Variants in SLC6A2 observed in about 807,000 individuals in gnomAD.
The protein encoded by SLC6A2 is sodium-dependent noradrenaline transporter.
SLC6A2 carries 26 observed loss-of-function variants against 71.7 expected under a neutral mutation model. The observed-to-expected ratio is 0.36, with a 90% confidence interval of 0.27 to 0.50. The LOEUF is 0.50. Among genes scored for constraint, SLC6A2 ranks in the 20% least tolerant of loss-of-function variants. SLC6A2 has a pLI of 0.96. For synonymous variants in SLC6A2, 363 were observed against 337.9 expected (o/e 1.07, Z -0.82); for missense variants, 581 against 803.9 (o/e 0.72, Z 3.35).
chr16:55,691,493 C>T (rs1965627973), intron 5 of SLC6A2, among the ~76,000 whole-genome samples: 1 of 152,156 alleles, frequency 6.6e-6, no homozygotes, highest in Admixed American at 6.5e-5. Flanking sequence ...TGACAGGTAC[C>T]TCACCACCTC....
chr16:55,670,334 C>T (rs371641044), intron 3 of SLC6A2, among the ~76,000 whole-genome samples: 1 of 152,162 alleles, frequency 6.6e-6, no homozygotes, highest in Non-Finnish European at 1.5e-5. Flanking sequence ...TGGCACGTGC[C>T]TCCTGAGTAC....
In SLC6A2 at chr16:55,705,380, G is replaced by A; in HGVS notation, c.*3034G>A. 1 of 694,156 alleles carries A rather than the reference G, an allele frequency of 1.4e-6. No individual in the cohort carries two copies. Among genetic ancestry groups the A allele is most frequent in the Non-Finnish European group, 2.4e-6 (1 of 420,070 alleles). The allele number at this position is 694,156 out of a possible 1,614,324, so 43.0% of individuals were successfully genotyped here. ...CTAGCCTCGCTAATGTGAGACTGAA[G>A]CATTCTTACCAAAGAAATCATTTCC... is the stretch of plus-strand genomic sequence containing the variant. On this transcript the variant is annotated 3_prime_UTR_variant, in exon 15 of 15. Coordinates refer to ENST00000568943, the MANE Select transcript of SLC6A2 (RefSeq NM_001172501.3).
rs2142471589 is a variant in SLC6A2, at chr16:55,656,297, T to C, written c.-52+128T>C. ...GTGTCCGAGAAGGCTCCTGTGGCTG[T>C]TGAAGTGTCGCGGACCTGAGCTGGG... On this transcript the variant is annotated intron_variant, in intron 1 of 14. Transcript: ENST00000568943. This position sits in a 1 kb window ranked among gnomAD's most constrained non-coding sequence, Gnocchi z 4.5. The C allele has an allele frequency of 3.0e-6, 1 of 338,118 alleles. No homozygotes were observed. The highest frequency in any genetic ancestry group is 8.1e-5 in the East Asian group (1 of 12,398). 20.9% of individuals were successfully genotyped at this position (338,118 alleles called of 1,614,324 possible).
At chr16:55,678,384 G>A (rs1965162386) in intron 4 of SLC6A2, among the ~76,000 whole-genome samples, 1 of 151,832 alleles carries the variant, frequency 6.6e-6, no homozygotes, top group African/African-American at 2.4e-5. Context: ...AACTCAGTTT[G>A]GGGACCCAGT....
chr16:55,703,010 C>T lies in SLC6A2; in HGVS notation c.*664C>T, dbSNP rs541993124. On this transcript the variant is annotated 3_prime_UTR_variant, in exon 15 of 15. Coordinates refer to ENST00000568943, the MANE Select transcript of SLC6A2 (RefSeq NM_001172501.3). ...TTTGATGTGTGTGTTCTGGAACATT[C>T]CTCCAGCTTTTGGTGGTCAGATGGC... 2.9e-4 allele frequency: 287 copies of T among 986,516 alleles called. 4 individuals carry two copies. In the South Asian group the frequency reaches 9.4e-3, roughly 32 times the overall value. The allele number at this position is 986,516 out of a possible 1,614,324, so 61.1% of individuals were successfully genotyped here.
Position 55,705,553 on chromosome 16 carries a change from G to A in SLC6A2, c.*3207G>A. 1 of 345,222 alleles carries A rather than the reference G, an allele frequency of 2.9e-6. No individual in the cohort carries two copies. The highest frequency in any genetic ancestry group is 5.2e-6 in the Non-Finnish European group (1 of 192,058). 21.4% of individuals were successfully genotyped at this position (345,222 alleles called of 1,614,324 possible). ...GGGTCTGCAGCTGACTAGCTGGGTG[G>A]CCTGGGGATAGTGGCTTCATCTTTT... On this transcript the variant is annotated 3_prime_UTR_variant, in exon 15 of 15. Coordinates refer to ENST00000568943, the MANE Select transcript of SLC6A2 (RefSeq NM_001172501.3).
At chr16:55,681,608 T>G (rs1285882918) in intron 4 of SLC6A2, among the ~76,000 whole-genome samples, 1 of 152,272 alleles carries the variant, frequency 6.6e-6, no homozygotes, top group African/African-American at 2.4e-5. Context: ...GCATCGCTGG[T>G]GGTCTTCAGC....
In SLC6A2 at chr16:55,699,556, G is replaced by A. The variant is rs766622152; in HGVS notation, c.1492G>A (p.Val498Met). Reference protein sequence around the residue: ...EAIGVSWFYGVDRFSNDIQQM... With the variant: ...EAIGVSWFYGMDRFSNDIQQM... ...AGGCCTGCCCTGTGTGTGCACAGGA[G>A]TGGACAGGTTCAGCAACGACATCCA... Residue 498 changes from valine to methionine, a missense_variant and splice_region_variant, in exon 12 of 15, where the codon GTG (valine) becomes ATG (methionine). Physicochemically the swap from Val to Met is conservative, Grantham distance 21 (BLOSUM62 1). Coordinates refer to ENST00000568943, the MANE Select transcript of SLC6A2 (RefSeq NM_001172501.3). 27 of 1,613,514 alleles carry A rather than the reference G, an allele frequency of 1.7e-5. No individual in the cohort carries two copies. Among genetic ancestry groups the A allele is most frequent in the Non-Finnish European group, 2.3e-5 (27 of 1,179,520 alleles).
chr16:55,684,526 A>C (rs1965384672), intron 4 of SLC6A2, among the ~76,000 whole-genome samples: 2 of 152,194 alleles, frequency 1.3e-5, no homozygotes, highest in Non-Finnish European at 2.9e-5. Context: ...TTTAGTAGCT[A>C]TTCCCCAATA....
intron 4 of SLC6A2, among the ~76,000 whole-genome samples, chr16:55,679,882 G>A (rs776098555): frequency 2.0e-5 from 3 of 152,174 alleles, no homozygotes; most frequent in South Asian, 2.1e-4. Flanking sequence ...TCCGGACCTC[G>A]ATGCTTTCGA....
chr16:55,705,065 C>G lies in SLC6A2; in HGVS notation c.*2719C>G. The stretch of plus-strand genomic sequence containing the variant: ...TCACCCGGGACAAGGGTGCTGTGTA[C>G]TGTATATGACACTTGACGCTTTTGA... On this transcript the variant is annotated 3_prime_UTR_variant, in exon 15 of 15. Transcript: ENST00000568943. 1 of 660,366 alleles carries G rather than the reference C, an allele frequency of 1.5e-6. No individual in the cohort carries two copies. The highest frequency in any genetic ancestry group is 2.7e-6 in the Non-Finnish European group (1 of 376,946). The allele number at this position is 660,366 out of a possible 1,614,324, so 40.9% of individuals were successfully genotyped here.
intron 4 of SLC6A2, among the ~76,000 whole-genome samples, chr16:55,679,930 G>T (rs1308148427): frequency 1.3e-5 from 2 of 152,134 alleles, no homozygotes; most frequent in African/African-American, 2.4e-5. Context: ...GGGGACAGGG[G>T]TGCACACTGT....
chr16:55,682,060 C>T (rs185465387), intron 4 of SLC6A2, among the ~76,000 whole-genome samples: 1 of 152,182 alleles, frequency 6.6e-6, no homozygotes, highest in African/African-American at 2.4e-5. Flanking sequence ...GCATGCACTA[C>T]CACACCCAGC....
rs1187255332 is a variant in SLC6A2 at position 55,656,766 on chromosome 16, C to T, written c.72C>T (p.Pro24=). Residue 24 remains proline (P), a synonymous_variant, in exon 2 of 15, where the codon CCC becomes CCT. Coordinates refer to ENST00000568943, the MANE Select transcript of SLC6A2 (RefSeq NM_001172501.3). The surrounding 1 kb of genome is among the most constrained non-coding windows in gnomAD (Gnocchi z 4.5). ...NNGADTGPEQ[P]LRARKTAELL... ...GGGCGGACACGGGTCCAGAGCAGCC[C>T]CTTCGGGCGCGCAAAACTGCGGAGC... The T allele has an allele frequency of 6.2e-7, 1 of 1,613,288 alleles. No homozygotes were observed. The highest frequency in any genetic ancestry group is 8.5e-7 in the Non-Finnish European group (1 of 1,179,834).
In SLC6A2 at chr16:55,694,028, A is replaced by C. The variant is rs1259845387; in HGVS notation, c.937A>C (p.Thr313Pro). ...GTTTCAGGTATGGATTGATGCCGCA[A>C]CTCAGATATTTTTTTCCTTGGGGGC... Reference protein sequence around the residue: ...KEATVWIDAATQIFFSLGAGF... With the variant: ...KEATVWIDAAPQIFFSLGAGF... The change falls in exon 7 of 15, where the codon ACT becomes CCT. Residue 313 changes from threonine (T) to proline (P), a missense_variant. By Grantham distance (38) the Thr-to-Pro change is conservative. This residue lies in a region of SLC6A2 where 334 missense variants were observed against 449.0 expected (regional missense o/e 0.74). Coordinates refer to ENST00000568943, the MANE Select transcript of SLC6A2 (RefSeq NM_001172501.3). The C allele has an allele frequency of 6.2e-7, 1 of 1,613,280 alleles. No homozygotes were observed.
chr16:55,671,655 C>A lies in SLC6A2; in HGVS notation c.407-283C>A, dbSNP rs1414155063. On this transcript the variant is annotated intron_variant, in intron 3 of 14. Coordinates refer to ENST00000568943, the MANE Select transcript of SLC6A2 (RefSeq NM_001172501.3). ...GGAGCGCAACCCCTACTGTGAACTG[C>A]GCATGCGAGGGATCTAGGTTGTGTG... 7 of 602,614 alleles carry A rather than the reference C, an allele frequency of 1.2e-5. No homozygotes were observed. The East Asian group carries it at 1.7e-4, about 14-fold the overall frequency. 37.3% of individuals were successfully genotyped at this position (602,614 alleles called of 1,614,324 possible).
Position 55,685,224 on chromosome 16 carries a change from G to GGTCGTC in SLC6A2, c.730_735dup (p.Val244_Val245dup). The stretch of plus-strand genomic sequence containing the variant: ...AGTGGCAGCTCTTGCTCTGTCTGAT[G>GGTCGTC]GTCGTCGTCATCGTCTTGTATTTTA... On this transcript the variant is annotated inframe_insertion, in exon 5 of 15. Coordinates refer to ENST00000568943, the MANE Select transcript of SLC6A2 (RefSeq NM_001172501.3). The GGTCGTC allele has an allele frequency of 6.2e-7, 1 of 1,614,146 alleles. No homozygotes were observed. Among genetic ancestry groups the GGTCGTC allele is most frequent in the South Asian group, 1.1e-5 (1 of 91,084 alleles).
At chr16:55,671,813 A>T (rs753103021) in intron 3 of SLC6A2, 125 bp from the exon 4 acceptor site, 16 of 1,514,782 alleles carry the variant, frequency 1.1e-5, no homozygotes, top group Non-Finnish European at 1.4e-5. Flanking sequence ...AAGGTTGGGG[A>T]CCGCTGTTCT....
chr16:55,702,979 T>C lies in SLC6A2; in HGVS notation c.*633T>C, dbSNP rs1227506141. On this transcript the variant is annotated 3_prime_UTR_variant, in exon 15 of 15. Transcript: ENST00000568943. ...CATAGTTAATTTTCACTCTGGCCAA[T>C]CTGAGTTTGATGTGTGTGTTCTGGA... 1 of 988,256 alleles carries C rather than the reference T, an allele frequency of 1.0e-6. No individual in the cohort carries two copies. The highest frequency in any genetic ancestry group is 1.2e-6 in the Non-Finnish European group (1 of 831,834). The allele number at this position is 988,256 out of a possible 1,614,324, so 61.2% of individuals were successfully genotyped here. A position where few individuals can be genotyped will look rare whatever the true frequency, so the allele number is the denominator to read the frequency against.
Sources: allele counts gnomAD v4.1 joint callset (sites outside exome capture counted in the v4.1 genomes callset), GRCh38; gene constraint gnomAD v4.1.1; regional missense constraint gnomAD v4.1.1; non-coding constraint Gnocchi (gnomAD v3.1); transcripts MANE v1.5; gene names NCBI Gene and HGNC (gene_info 2026-07-23, HGNC 2026-07-21).